Variants in POC1A observed in about 807,000 individuals in gnomAD.
POC1A encodes POC1 centriolar protein homolog A.
POC1A carries 34 observed loss-of-function variants against 47.8 expected under a neutral mutation model. That is an observed-to-expected ratio of 0.71 (90% CI 0.54 to 0.95). The LOEUF is 0.95. POC1A is among the 40% of genes least tolerant of loss of function. The pLI, the probability that POC1A is intolerant of heterozygous loss-of-function variation, is 0.00. For synonymous variants in POC1A, 177 were observed against 207.6 expected (o/e 0.85, Z 1.27); for missense variants, 466 against 528.3 (o/e 0.88, Z 1.16).
At chr3:52,091,248 G>GGCGGGGA (rs1159393063) in intron 10 of POC1A, among the ~76,000 whole-genome samples, 3 of 152,090 alleles carry the variant, frequency 2.0e-5, no homozygotes, top group African/African-American at 7.2e-5. Context: ...CTCTCAGTGG[G>GGCGGGGA]GCGGGGAGCT....
intron 8 of POC1A, among the ~76,000 whole-genome samples, chr3:52,123,853 T>G (rs762690699): frequency 7.2e-5 from 11 of 152,370 alleles, no homozygotes; most frequent in Non-Finnish European, 1.3e-4. Flanking sequence ...ATGACTCTAT[T>G]TACTGTGTGA....
At chr3:52,113,406 A>G (rs1372900792) in intron 9 of POC1A, among the ~76,000 whole-genome samples, 1 of 152,208 alleles carries the variant, frequency 6.6e-6, no homozygotes, top group Non-Finnish European at 1.5e-5. Context: ...ACATTCTACA[A>G]AAACTGTAGT....
At position 52,151,099 on chromosome 3, in the gene POC1A, T is replaced by C. The variant is rs768410382; in HGVS notation, c.20A>G (p.Glu7Gly). The part of the protein sequence containing the change: MAAPCA[E>G]DPSLERHFKG... ...AAAATGCCTTTCCAGCGAGGGGTCCTCCTGAGAGAGAGCCAGGGTCAAATG... is the reference window on the plus strand; with the variant it reads ...AAAATGCCTTTCCAGCGAGGGGTCCCCCTGAGAGAGAGCCAGGGTCAAATG... Residue 7 changes from glutamate to glycine, a missense_variant and splice_region_variant, in exon 2 of 11, where the codon GAG (glutamate) becomes GGG (glycine). Transcript: ENST00000296484. 9 of 1,613,534 alleles carry C rather than the reference T, an allele frequency of 5.6e-6. No individual in the cohort carries two copies. In the African/African-American group the frequency reaches 1.2e-4, roughly 22 times the overall value.
rs1698660412 is a variant in POC1A, at chr3:52,154,381, T to TGGCGGCGCCGAA, written c.-21_-10dup. On this transcript the variant is annotated 5_prime_UTR_variant, in exon 1 of 11. Coordinates refer to ENST00000296484, the MANE Select transcript of POC1A (RefSeq NM_015426.5). ...GCGCAGGGCGCAGCCATGGCGGGGC[T>TGGCGGCGCCGAA]GGCGGCGCCGAAGGCAGCTGCGGTG... 2 of 1,480,730 alleles carry TGGCGGCGCCGAA rather than the reference T, an allele frequency of 1.4e-6. No individual in the cohort carries two copies. Among genetic ancestry groups the TGGCGGCGCCGAA allele is most frequent in the East Asian group, 5.7e-5 (2 of 35,052 alleles). 91.7% of individuals were successfully genotyped at this position (1,480,730 alleles called of 1,614,324 possible). A position where few individuals can be genotyped will look rare whatever the true frequency, so the allele number is the denominator to read the frequency against.
intron 9 of POC1A, among the ~76,000 whole-genome samples, chr3:52,107,318 G>A (rs1703221658): frequency 1.3e-5 from 2 of 152,214 alleles, no homozygotes; most frequent in South Asian, 4.1e-4. Flanking sequence ...GGACTGCATG[G>A]TGGAGGCTAG....
intron 6 of POC1A, among the ~76,000 whole-genome samples, chr3:52,143,788 C>A (rs149834945): frequency 6.6e-6 from 1 of 152,332 alleles, no homozygotes; most frequent in East Asian, 1.9e-4. Context: ...ACACCGCTAT[C>A]CTCTCAGATG....
At position 52,147,105 on chromosome 3, in the gene POC1A, G is replaced by A; in HGVS notation, c.456-10C>T. On this transcript the variant is annotated splice_polypyrimidine_tract_variant and intron_variant, in intron 4 of 10. Coordinates refer to ENST00000296484, the MANE Select transcript of POC1A (RefSeq NM_015426.5). ...CCCGTCGGGGGAGAACCTGAACCGG[G>A]TGGGGCACAAGTCACATCACAGACT... 1 of 1,605,460 alleles carries A rather than the reference G, an allele frequency of 6.2e-7. No homozygotes were observed. Among genetic ancestry groups the A allele is most frequent in the South Asian group, 1.1e-5 (1 of 90,906 alleles).
intron 9 of POC1A, among the ~76,000 whole-genome samples, chr3:52,121,215 C>T (rs906776617): frequency 1.3e-5 from 2 of 152,196 alleles, no homozygotes; most frequent in Non-Finnish European, 2.9e-5. Flanking sequence ...GAGAGGGATT[C>T]ACAGGAAAGA....
chr3:52,116,627 G>C (rs1010055760), intron 9 of POC1A, among the ~76,000 whole-genome samples: 3 of 152,156 alleles, frequency 2.0e-5, no homozygotes, highest in African/African-American at 7.2e-5. Flanking sequence ...CCTGCAGAGA[G>C]GGGTCAACGT....
chr3:52,108,448 C>G (rs754575953), intron 9 of POC1A, among the ~76,000 whole-genome samples: 1 of 152,186 alleles, frequency 6.6e-6, no homozygotes, highest in Non-Finnish European at 1.5e-5. Flanking sequence ...CACTTGAAGA[C>G]AGCTCATTGT....
intron 7 of POC1A, among the ~76,000 whole-genome samples, chr3:52,132,321 T>G (rs1704242056): frequency 6.6e-6 from 1 of 152,028 alleles, no homozygotes; most frequent in South Asian, 2.1e-4. Context: ...GGACCCATGG[T>G]TTTTCAAAAC....
At chr3:52,098,836 G>A (rs761432823) in intron 9 of POC1A, among the ~76,000 whole-genome samples, 4 of 152,114 alleles carry the variant, frequency 2.6e-5, no homozygotes, top group East Asian at 1.9e-4. Flanking sequence ...CACTTAATAC[G>A]TGTAACCTCA....
At chr3:52,149,161 C>T in intron 4 of POC1A, 49 bp downstream of exon 4, 2 of 1,573,934 alleles carry the variant, frequency 1.3e-6, no homozygotes, top group South Asian at 1.1e-5. Flanking sequence ...TGGGCCAGCC[C>T]CCAACCCCCA....
rs576039071 is a variant in POC1A at position 52,093,603 on chromosome 3, A to G, written c.1125+2966T>C. 3.3e-5 allele frequency among the ~76,000 whole-genome samples: 5 copies of G among 152,344 alleles called. No individual in the cohort carries two copies. In the East Asian group the frequency reaches 9.6e-4, roughly 29 times the overall value. ...GGTATTATTATCAGCTCTGTGTTCC[A>G]GATTTGGAAAGTAAGGCACACAGAC... On this transcript the variant is annotated intron_variant, in intron 10 of 10. Transcript: ENST00000296484.
At chr3:52,111,183 C>A (rs1391539223) in intron 9 of POC1A, among the ~76,000 whole-genome samples, 2 of 152,178 alleles carry the variant, frequency 1.3e-5, no homozygotes, top group African/African-American at 4.8e-5. Flanking sequence ...GAGGAACCTA[C>A]TTGCTTTTAG....
intron 3 of POC1A, among the ~76,000 whole-genome samples, 170 bp from the exon 4 acceptor site, chr3:52,149,559 C>A (rs558551069): frequency 6.6e-6 from 1 of 152,326 alleles, no homozygotes; most frequent in Admixed American, 6.5e-5. Context: ...AACAGAGCAC[C>A]ATCTCTAGGC....
chr3:52,148,921 T>C (rs1036358758), intron 4 of POC1A, among the ~76,000 whole-genome samples: 22 of 152,244 alleles, frequency 1.4e-4, no homozygotes, highest in African/African-American at 5.3e-4. Context: ...TGATAATAAA[T>C]GGCCCCTGTT....
chr3:52,122,707 G>T (rs1703833449), intron 8 of POC1A, among the ~76,000 whole-genome samples: 1 of 152,226 alleles, frequency 6.6e-6, no homozygotes, highest in African/African-American at 2.4e-5. Context: ...CTACCACGGC[G>T]TGGCACCGCC....
intron 6 of POC1A, among the ~76,000 whole-genome samples, chr3:52,139,494 C>T (rs1018941004): frequency 6.6e-6 from 1 of 152,210 alleles, no homozygotes; most frequent in Non-Finnish European, 1.5e-5. Context: ...GCCTGGGAGA[C>T]TCTTGCCCTT....
Sources: gnomAD v4.1 joint callset for allele counts (sites outside exome capture counted in the v4.1 genomes callset) on GRCh38, gnomAD v4.1.1 for gene constraint, MANE v1.5 for transcripts, NCBI Gene and HGNC (gene_info 2026-07-23, HGNC 2026-07-21) for gene names.